The following ARHGAP28 variants were observed in gnomAD, a reference collection of about 807,000 sequenced individuals.
ARHGAP28 encodes Rho GTPase activating protein 28, also known as rho GTPase-activating protein 28.
ARHGAP28 carries 56 observed loss-of-function variants against 90.7 expected under a neutral mutation model. The ratio of observed to expected loss-of-function variants is 0.62; its 90% CI spans 0.50 to 0.77. ARHGAP28 has a LOEUF of 0.77. ARHGAP28 is among the 30% of genes least tolerant of loss of function. ARHGAP28 has a pLI of 0.00. For synonymous variants in ARHGAP28, 308 were observed against 323.3 expected, an observed-to-expected ratio of 0.95 and a Z score of 0.51; for missense variants, 869 against 900.9, an observed-to-expected ratio of 0.96 and a Z score of 0.45.
At chr18:6,861,282 T>C (rs375420724) in intron 5 of ARHGAP28, among the ~76,000 whole-genome samples, 12 of 152,192 alleles carry the variant, frequency 7.9e-5, no homozygotes, top group African/African-American at 2.7e-4. Flanking sequence ...AATTTCATCA[T>C]GTGAATGGTT....
chr18:6,803,444 G>A (rs1188662862), intron 1 of ARHGAP28, among the ~76,000 whole-genome samples: 1 of 152,020 alleles, frequency 6.6e-6, no homozygotes, highest in African/African-American at 2.4e-5. Flanking sequence ...ATTTGGTTAT[G>A]ATGCATTATA....
At chr18:6,866,599 A>G (rs2057039788) in intron 5 of ARHGAP28, among the ~76,000 whole-genome samples, 1 of 152,228 alleles carries the variant, frequency 6.6e-6, no homozygotes, top group Admixed American at 6.5e-5. Context: ...AGTTCTTAAC[A>G]GTGGCTTCAT....
intron 1 of ARHGAP28, among the ~76,000 whole-genome samples, chr18:6,800,139 C>G (rs1052777991): frequency 1.3e-5 from 2 of 152,150 alleles, no homozygotes; most frequent in Non-Finnish European, 2.9e-5. Context: ...TAGAGAAATG[C>G]AAACCAAAAC....
intron 3 of ARHGAP28, among the ~76,000 whole-genome samples, chr18:6,844,164 A>G (rs1225211362): frequency 2.0e-5 from 3 of 152,362 alleles, no homozygotes; most frequent in Non-Finnish European, 4.4e-5. Flanking sequence ...CTATATAAAT[A>G]TATAGTATGC....
At chr18:6,836,055 A>G (rs144102497) in intron 2 of ARHGAP28, 160 of 152,240 alleles carry the variant, frequency 1.1e-3, no homozygotes, top group African/African-American at 3.8e-3. Flanking sequence ...TGGGTGGCCT[A>G]AAACCTTCAT....
At chr18:6,754,661 C>T (rs1269655975) in intron 1 of ARHGAP28, 1 of 152,108 alleles carries the variant, frequency 6.6e-6, no homozygotes, top group African/African-American at 2.4e-5. Flanking sequence ...AGAGATAGGA[C>T]AGGAATTTTC....
chr18:6,772,024 A>G (rs2056246946), intron 1 of ARHGAP28, among the ~76,000 whole-genome samples: 1 of 152,214 alleles, frequency 6.6e-6, no homozygotes, highest in South Asian at 2.1e-4. Context: ...ATTATGTATC[A>G]ATACAAAATC....
intron 1 of ARHGAP28, among the ~76,000 whole-genome samples, chr18:6,775,506 G>C (rs1383436739): frequency 6.6e-6 from 1 of 151,268 alleles, no homozygotes; most frequent in African/African-American, 2.5e-5. Flanking sequence ...TGGAAGGGGT[G>C]AGAGTTTTTT....
chr18:6,741,383 A>C (rs2055975955), intron 1 of ARHGAP28, among the ~76,000 whole-genome samples: 1 of 152,234 alleles, frequency 6.6e-6, no homozygotes, highest in African/African-American at 2.4e-5. Flanking sequence ...TGAGTTGCAG[A>C]AAGCTGCAGG....
chr18:6,771,589 C>G lies in ARHGAP28; in HGVS notation c.122+41646C>G, dbSNP rs150127549. ...ATTTTATAAAATGGACAAATAACCA[C>G]TAAAGTCACTTCCTTCGTTACACAT... On this transcript the variant is annotated intron_variant, in intron 1 of 17. Coordinates refer to ENST00000383472, the MANE Select transcript of ARHGAP28 (RefSeq NM_001366230.1). Among the ~76,000 whole-genome samples the G allele has an allele frequency of 1.2e-4, 19 of 152,286 alleles. No individual in the cohort carries two copies. In the East Asian group the frequency reaches 3.7e-3, roughly 29 times the overall value.
In ARHGAP28 at chr18:6,909,100, G is replaced by A. The variant is rs2057380149; in HGVS notation, c.2095+76G>A. ...AGAAATATGTTGCTATAATCATAAA[G>A]GTATGTTTTATGAATTTCTCAGATA... is the stretch of plus-strand genomic sequence containing the variant. On this transcript the variant is annotated intron_variant, in intron 17 of 17. Coordinates refer to ENST00000383472, the MANE Select transcript of ARHGAP28 (RefSeq NM_001366230.1). 4 of 879,802 alleles carry A rather than the reference G, an allele frequency of 4.5e-6. No individual in the cohort carries two copies. The East Asian group carries it at 7.6e-5, about 17-fold the overall frequency. 54.5% of individuals were successfully genotyped at this position (879,802 alleles called of 1,614,324 possible).
Position 6,824,744 on chromosome 18 carries a change from ATAT to A in ARHGAP28, c.123-13_123-11del. 2.0e-6 allele frequency: 3 copies of A among 1,524,410 alleles called. No homozygotes were observed. The highest frequency in any genetic ancestry group is 2.6e-6 in the Non-Finnish European group (3 of 1,142,108). The allele number at this position is 1,524,410 out of a possible 1,614,324, so 94.4% of individuals were successfully genotyped here. ...AAATATAACCCGTTTTTATTCATAG[ATAT>A]TATTCTTTCCTCAGAAAATCCATTC... On this transcript the variant is annotated splice_polypyrimidine_tract_variant and intron_variant, in intron 1 of 17. Transcript: ENST00000383472.
At position 6,850,977 on chromosome 18, in the gene ARHGAP28, G is replaced by T. The variant is rs555913355; in HGVS notation, c.544-57G>T. ...TCTAGTGTAATGCATGTGTGAATACGCAGTCATATTTGGAAAGATATGCCT... is the reference window on the plus strand; with the variant it reads ...TCTAGTGTAATGCATGTGTGAATACTCAGTCATATTTGGAAAGATATGCCT... On this transcript the variant is annotated intron_variant, in intron 3 of 17. Coordinates refer to ENST00000383472, the MANE Select transcript of ARHGAP28 (RefSeq NM_001366230.1). 4 of 1,595,022 alleles carry T rather than the reference G, an allele frequency of 2.5e-6. No individual in the cohort carries two copies. In the East Asian group the frequency reaches 8.9e-5, roughly 36 times the overall value.
chr18:6,758,156 G>A lies in ARHGAP28; in HGVS notation c.122+28213G>A, dbSNP rs76353233. Among the ~76,000 whole-genome samples, 64 of 152,272 alleles carry A rather than the reference G, an allele frequency of 4.2e-4. 1 individual carries two copies. In the South Asian group the frequency reaches 0.011, roughly 26 times the overall value. On this transcript the variant is annotated intron_variant, in intron 1 of 17. Transcript: ENST00000383472. Reference sequence around the variant, plus strand: ...ACTGCATGGAGTTGTAGGTTTGCTAGCAATATTATTTAGGATAATCCAAGT... The same window carrying A: ...ACTGCATGGAGTTGTAGGTTTGCTAACAATATTATTTAGGATAATCCAAGT...
intron 2 of ARHGAP28, 154 bp from the exon 3 acceptor site, chr18:6,837,043 G>T: frequency 1.6e-6 from 1 of 635,874 alleles, no homozygotes; most frequent in Non-Finnish European, 2.7e-6. Flanking sequence ...TAAAAATACA[G>T]TGCAGACTTT....
At chr18:6,826,683 C>CTTTTTTTT (rs36069648) in intron 2 of ARHGAP28, among the ~76,000 whole-genome samples, 298 of 88,182 alleles carry the variant, frequency 3.4e-3, no homozygotes, top group Middle Eastern at 0.012. Flanking sequence ...GGATTTTGAG[C>CTTTTTTTT]TTTTTTTTTT....
intron 7 of ARHGAP28, 72 bp downstream of exon 7, chr18:6,870,804 T>A (rs1385909134): frequency 2.0e-6 from 3 of 1,478,234 alleles, no homozygotes; most frequent in African/African-American, 1.4e-5. Context: ...GATTTCTTTT[T>A]CTTTTTTTTT....
intron 1 of ARHGAP28, among the ~76,000 whole-genome samples, chr18:6,768,922 T>A (rs987007322): frequency 2.6e-5 from 4 of 152,158 alleles, no homozygotes; most frequent in African/African-American, 9.7e-5. Context: ...CTTCCTCTTA[T>A]CCAATGTCTA....
chr18:6,786,795 A>G (rs1016887734), intron 1 of ARHGAP28, among the ~76,000 whole-genome samples: 1 of 137,962 alleles, frequency 7.2e-6, no homozygotes, highest in Non-Finnish European at 1.5e-5. Flanking sequence ...GCTGTGGGGA[A>G]AAAAAAAATC....
Sources: allele counts gnomAD v4.1 joint callset (sites outside exome capture counted in the v4.1 genomes callset), GRCh38; gene constraint gnomAD v4.1.1; transcripts MANE v1.5; gene names NCBI Gene and HGNC (gene_info 2026-07-23, HGNC 2026-07-21).